Variants in IL1RAPL1 observed in about 807,000 individuals in gnomAD.
IL1RAPL1 encodes the protein interleukin 1 receptor accessory protein like 1.
Under a neutral mutation model 48.4 loss-of-function variants are expected in IL1RAPL1, and 3 were observed. That is an observed-to-expected ratio of 0.06 (90% CI 0.03 to 0.16). The LOEUF (loss-of-function observed/expected upper bound fraction) is 0.16, where lower values mean the gene tolerates loss of function less well. Ranked by LOEUF, IL1RAPL1 falls within the 10% of genes least tolerant of loss-of-function variation. The probability of loss-of-function intolerance (pLI) is 1.00; values close to 1 mark genes in which losing one functional copy is unlikely to be tolerated. For synonymous variants in IL1RAPL1, 185 were observed against 187.7 expected, an observed-to-expected ratio of 0.99 and a Z score of 0.12; for missense variants, 349 against 530.6, an observed-to-expected ratio of 0.66 and a Z score of 3.36.
chrX:29,084,652 T>G (rs1193466491), intron 2 of IL1RAPL1, among the ~76,000 whole-genome samples: 1 of 112,599 alleles, frequency 8.9e-6, no homozygotes, highest in African/African-American at 3.2e-5. Flanking sequence ...CTTATTTTCC[T>G]AATGTGCAAC....
chrX:29,525,289 T>G (rs67512984), intron 5 of IL1RAPL1, among the ~76,000 whole-genome samples: 8,150 of 112,196 alleles, frequency 0.073, 502 homozygotes, highest in African/African-American at 0.2. Flanking sequence ...TTAACTGTTT[T>G]TAAAGTTCAA....
intron 8 of IL1RAPL1, among the ~76,000 whole-genome samples, chrX:29,920,794 C>CAAAAAAAAAAAAAAAAAAAAAAA (rs1176529100): frequency 3.2e-5 from 1 of 31,636 alleles, no homozygotes; most frequent in African/African-American, 1.3e-4. Flanking sequence ...GACCCTGTCT[C>CAAAAAAAAAAAAAAAAAAAAAAA]AAAAAAAAAA....
At chrX:28,599,882 G>A (rs748114694) in intron 1 of IL1RAPL1, among the ~76,000 whole-genome samples, 2 of 112,144 alleles carry the variant, frequency 1.8e-5, no homozygotes, top group Non-Finnish European at 3.8e-5. Context: ...CCAATGAGAA[G>A]TTCTAAAGAT....
chrX:29,583,833 A>T (rs1414348184), intron 5 of IL1RAPL1, among the ~76,000 whole-genome samples: 1 of 111,612 alleles, frequency 9.0e-6, no homozygotes, highest in Non-Finnish European at 1.9e-5. Context: ...TCTTAAAAGG[A>T]TACATTGGGC....
intron 2 of IL1RAPL1, among the ~76,000 whole-genome samples, chrX:28,897,370 T>C (rs1922950847): frequency 9.0e-6 from 1 of 111,519 alleles, no homozygotes; most frequent in Non-Finnish European, 1.9e-5. Context: ...AAGACTGTCT[T>C]CCCGAGCCCG....
intron 3 of IL1RAPL1, among the ~76,000 whole-genome samples, chrX:29,332,673 C>A (rs1461892636): frequency 1.1e-5 from 1 of 90,134 alleles, no homozygotes; most frequent in Non-Finnish European, 2.2e-5. Context: ...TTTTATTGAT[C>A]ATTCTTGGGT....
chrX:29,344,669 G>A (rs966112521), intron 3 of IL1RAPL1, among the ~76,000 whole-genome samples: 1 of 111,122 alleles, frequency 9.0e-6, no homozygotes, highest in Non-Finnish European at 1.9e-5. Flanking sequence ...ACAGAGTCTC[G>A]CTCTGTCACC....
chrX:28,741,799 T>A (rs1289556687), intron 1 of IL1RAPL1, among the ~76,000 whole-genome samples: 1 of 112,151 alleles, frequency 8.9e-6, no homozygotes, highest in Non-Finnish European at 1.9e-5. Flanking sequence ...CTTATCAGCA[T>A]GAATAAATAA....
At chrX:29,304,252 A>G (rs1602160522) in intron 3 of IL1RAPL1, among the ~76,000 whole-genome samples, 1 of 111,081 alleles carries the variant, frequency 9.0e-6, no homozygotes, top group Admixed American at 9.6e-5. Flanking sequence ...CTTGGCTTCA[A>G]TGGCAACTCT....
chrX:29,150,853 C>T (rs1225623541), intron 2 of IL1RAPL1, among the ~76,000 whole-genome samples: 4 of 102,022 alleles, frequency 3.9e-5, no homozygotes, highest in Non-Finnish European at 3.9e-5. Flanking sequence ...AACCGGGAGG[C>T]GGAGGTTGCA....
chrX:28,836,338 A>ATT (rs1438592775), intron 2 of IL1RAPL1, among the ~76,000 whole-genome samples: 83 of 26,278 alleles, frequency 3.2e-3, no homozygotes, highest in African/African-American at 0.017. Flanking sequence ...TCCCAATTTT[A>ATT]TATATATATA....
intron 5 of IL1RAPL1, among the ~76,000 whole-genome samples, chrX:29,504,081 C>T (rs999070729): frequency 4.6e-4 from 50 of 109,293 alleles, no homozygotes; most frequent in Non-Finnish European, 8.4e-4. Flanking sequence ...CTGCCTCAGT[C>T]TCCTGAGTTG....
At chrX:29,169,708 A>C (rs960558150) in intron 2 of IL1RAPL1, among the ~76,000 whole-genome samples, 3 of 110,918 alleles carry the variant, frequency 2.7e-5, no homozygotes, top group Non-Finnish European at 5.7e-5. Flanking sequence ...TGTTATTTGG[A>C]AACTAAATAA....
At chrX:28,666,520 G>A (rs951904808) in intron 1 of IL1RAPL1, among the ~76,000 whole-genome samples, 8 of 111,366 alleles carry the variant, frequency 7.2e-5, no homozygotes, top group Non-Finnish European at 9.4e-5. Flanking sequence ...ATTACTAGGC[G>A]GTTTTTGAAT....
chrX:29,567,800 G>C (rs982614452), intron 5 of IL1RAPL1, among the ~76,000 whole-genome samples: 2 of 111,058 alleles, frequency 1.8e-5, no homozygotes, highest in East Asian at 2.8e-4. Flanking sequence ...TGCTTCATTT[G>C]TTCATAGGTT....
intron 2 of IL1RAPL1, among the ~76,000 whole-genome samples, chrX:28,962,249 G>C (rs1395025068): frequency 9.0e-6 from 1 of 111,691 alleles, no homozygotes; most frequent in African/African-American, 3.2e-5. Context: ...GCTTCATATA[G>C]GGCTCTCTAG....
At position 29,203,722 on chromosome X, in the gene IL1RAPL1, A is replaced by AATATAGATAGATATATATATAT. The variant is rs1419764371; in HGVS notation, c.83-79211_83-79210insGATAGATATATATATATATATA. 7.7e-5 allele frequency among the ~76,000 whole-genome samples: 6 copies of AATATAGATAGATATATATATAT among 78,414 alleles called. No individual in the cohort carries two copies. In the Admixed American group the frequency reaches 7.8e-4, roughly 10 times the overall value. The allele number at this position is 78,414 out of a possible 115,157, so 68.1% of individuals were successfully genotyped here. ...CAACAAGAGCAAAACTCCGTCTCAA[A>AATATAGATAGATATATATATAT]ATATATATATATATATATATATATA... On this transcript the variant is annotated intron_variant, in intron 2 of 10. Transcript: ENST00000378993.
chrX:29,210,953 CTGT>C lies in IL1RAPL1; in HGVS notation c.83-71981_83-71979del, dbSNP rs749453831. Among the ~76,000 whole-genome samples the C allele has an allele frequency of 3.3e-4, 37 of 112,349 alleles. 1 individual carries two copies. In the East Asian group the frequency reaches 8.4e-3, roughly 25 times the overall value. The stretch of plus-strand genomic sequence containing the variant: ...CGTCCGCACACTACTTTTATGCCAT[CTGT>C]TGTCTTTCGTCATTCAACTGCTTAT... On this transcript the variant is annotated intron_variant, in intron 2 of 10. Coordinates refer to ENST00000378993, the MANE Select transcript of IL1RAPL1 (RefSeq NM_014271.4).
chrX:29,685,601 C>T (rs186447295), intron 6 of IL1RAPL1, among the ~76,000 whole-genome samples: 1 of 111,660 alleles, frequency 9.0e-6, no homozygotes, highest in East Asian at 2.8e-4. Context: ...ACATAATTTG[C>T]AATTTTTCCT....
Sources: allele counts gnomAD v4.1 joint callset (sites outside exome capture counted in the v4.1 genomes callset), GRCh38; gene constraint gnomAD v4.1.1; transcripts MANE v1.5; gene names NCBI Gene and HGNC (gene_info 2026-07-23, HGNC 2026-07-21).